The following GSE1 variants were observed in gnomAD, a reference collection of about 807,000 sequenced individuals.
GSE1 encodes the protein genetic suppressor element 1.
A neutral mutation model predicts 112.6 loss-of-function variants in GSE1; 32 were observed. The ratio of observed to expected loss-of-function variants is 0.28; its 90% CI spans 0.21 to 0.38. The LOEUF (loss-of-function observed/expected upper bound fraction) is 0.38. Ranked by LOEUF, GSE1 falls within the 10% of genes least tolerant of loss-of-function variation. The pLI is 1.00. For synonymous variants in GSE1, 1,115 were observed against 735.6 expected (o/e 1.52, Z -8.35); for missense variants, 2,348 against 1,699.2 (o/e 1.38, Z -6.71).
chr16:85,338,979 G>A (rs969470774), intron 1 of GSE1, among the ~76,000 whole-genome samples: 4 of 152,130 alleles, frequency 2.6e-5, no homozygotes, highest in African/African-American at 7.2e-5. Context: ...GAGCGTCGTC[G>A]GTTTCGGTGT....
rs777716900 is a variant in GSE1, at chr16:85,661,666, G to A, written c.2161G>A (p.Asp721Asn). Reference protein sequence around the residue: ...PYRPPVPRAPDPAYIYDEFLQ... With the variant: ...PYRPPVPRAPNPAYIYDEFLQ... ...CCGGCCCCCAGTGCCACGGGCCCCC[G>A]ACCCTGCCTACATCTATGATGAGTT... Residue 721 changes from aspartate (D) to asparagine (N), a missense_variant, in exon 9 of 16, where the codon GAC becomes AAC. Coordinates refer to ENST00000253458, the MANE Select transcript of GSE1 (RefSeq NM_014615.5). 5 of 1,610,860 alleles carry A rather than the reference G, an allele frequency of 3.1e-6. No individual in the cohort carries two copies. The South Asian group carries it at 4.4e-5, about 14-fold the overall frequency.
upstream of GSE1, among the ~76,000 whole-genome samples, chr16:85,554,694 G>T (rs1385193233): frequency 6.6e-6 from 1 of 152,000 alleles, no homozygotes; most frequent in Non-Finnish European, 1.5e-5. Flanking sequence ...AGGCGGCCCC[G>T]AGTCTCCGGG....
intron 1 of GSE1, among the ~76,000 whole-genome samples, chr16:85,602,461 G>A (rs992121995): frequency 3.3e-5 from 5 of 152,146 alleles, no homozygotes; most frequent in Admixed American, 6.5e-5. Flanking sequence ...GGCCGCCCTG[G>A]GGTTCTAGAA....
At chr16:85,616,932 C>T (rs1052905649) in intron 1 of GSE1, among the ~76,000 whole-genome samples, 1 of 152,114 alleles carries the variant, frequency 6.6e-6, no homozygotes, top group Non-Finnish European at 1.5e-5. Flanking sequence ...CAAAAGCAGC[C>T]CTTTGCATGC....
At chr16:85,289,027 G>T (rs1346116031) in intron 1 of GSE1, among the ~76,000 whole-genome samples, 1 of 152,204 alleles carries the variant, frequency 6.6e-6, no homozygotes, top group Non-Finnish European at 1.5e-5. Flanking sequence ...ACCTCCACCT[G>T]CCAGGTCTGT....
intron 1 of GSE1, among the ~76,000 whole-genome samples, chr16:85,604,269 TTGTC>T (rs1212923550): frequency 1.3e-5 from 2 of 152,234 alleles, no homozygotes; most frequent in African/African-American, 2.4e-5. Flanking sequence ...TCCCCCTTGT[TTGTC>T]TGGCTTCTTC....
intron 2 of GSE1, among the ~76,000 whole-genome samples, chr16:85,647,436 A>G (rs2050967322): frequency 6.6e-6 from 1 of 152,176 alleles, no homozygotes; most frequent in Admixed American, 6.5e-5. Flanking sequence ...GGTGAATTAT[A>G]TCTCATTTTC....
chr16:85,472,904 T>C (rs2050338996), intron 2 of GSE1, among the ~76,000 whole-genome samples: 1 of 152,236 alleles, frequency 6.6e-6, no homozygotes, highest in Non-Finnish European at 1.5e-5. Flanking sequence ...GACCCTGCCA[T>C]GCCATGGCTC....
intron 2 of GSE1, among the ~76,000 whole-genome samples, chr16:85,470,276 T>C (rs2050248457): frequency 1.3e-5 from 2 of 151,708 alleles, no homozygotes; most frequent in Admixed American, 1.3e-4. Context: ...CCAGCGGGGG[T>C]CTTCCCACTG....
intron 2 of GSE1, among the ~76,000 whole-genome samples, chr16:85,362,659 C>T (rs1401972361): frequency 1.3e-5 from 2 of 152,148 alleles, no homozygotes; most frequent in Non-Finnish European, 2.9e-5. Context: ...GCAGGTTGCA[C>T]ACTGCACAAC....
At chr16:85,646,321 G>C (rs771954956) in intron 2 of GSE1, among the ~76,000 whole-genome samples, 4 of 152,250 alleles carry the variant, frequency 2.6e-5, no homozygotes, top group Non-Finnish European at 4.4e-5. Flanking sequence ...GCAAACAGAA[G>C]GTGCCCAATT....
intron 1 of GSE1, among the ~76,000 whole-genome samples, chr16:85,261,967 G>A (rs1907738888): frequency 6.6e-6 from 1 of 152,128 alleles, no homozygotes; most frequent in African/African-American, 2.4e-5. Flanking sequence ...CTTATGTCGG[G>A]ATGTTTGTCT....
rs553410786 is a variant in GSE1, at chr16:85,585,476, CCT to C, written c.37+29116_37+29117del. 1.5e-4 allele frequency among the ~76,000 whole-genome samples: 23 copies of C among 149,604 alleles called. 1 individual carries two copies. The East Asian group carries it at 4.0e-3, about 26-fold the overall frequency. On this transcript the variant is annotated intron_variant, in intron 1 of 2. Transcript: ENST00000635906. ...AGTACGCCCAGGACAGCAGGACTCT[CCT>C]CTGTGTCGCCTACGTTTCTCCAAAC...
intron 1 of GSE1, among the ~76,000 whole-genome samples, chr16:85,578,524 G>C (rs970798366): frequency 6.6e-6 from 1 of 152,144 alleles, no homozygotes; most frequent in Non-Finnish European, 1.5e-5. Flanking sequence ...TGCAACAAGC[G>C]TGTGTTAGCT....
At chr16:85,663,743 C>A in intron 11 of GSE1, 129 bp downstream of exon 11, 1 of 873,382 alleles carries the variant, frequency 1.1e-6, no homozygotes, top group Non-Finnish European at 1.8e-6. Flanking sequence ...CCCTTTACTC[C>A]TCCCGGCTCC....
intron 1 of GSE1, chr16:85,283,026 A>G (rs923646799): frequency 6.6e-6 from 1 of 152,576 alleles, no homozygotes; most frequent in African/African-American, 2.4e-5. Flanking sequence ...ATCTGCTTCC[A>G]AGGCTCTGCT....
chr16:85,560,317 A>G (rs888319598), intron 1 of GSE1, among the ~76,000 whole-genome samples: 2 of 151,748 alleles, frequency 1.3e-5, no homozygotes, highest in Non-Finnish European at 1.5e-5. Context: ...TTGTATTTTT[A>G]GTAGAGACGG....
At chr16:85,400,059 T>A (rs1007514791) in intron 2 of GSE1, among the ~76,000 whole-genome samples, 4 of 152,198 alleles carry the variant, frequency 2.6e-5, no homozygotes, top group African/African-American at 7.2e-5. Flanking sequence ...GGACCTTGTG[T>A]CACGGCCACA....
At chr16:85,316,651 ACAGCAGACGTCCTCACTGGGGG>A (rs993166247) in intron 1 of GSE1, among the ~76,000 whole-genome samples, 10 of 152,186 alleles carry the variant, frequency 6.6e-5, no homozygotes, top group Non-Finnish European at 1.5e-4. Flanking sequence ...ACCTGCAAGG[ACAGCAGACGTCCTCACTGGGGG>A]CTGCACATCA....
Sources: gnomAD v4.1 joint callset for allele counts (sites outside exome capture counted in the v4.1 genomes callset) on GRCh38, gnomAD v4.1.1 for gene constraint, MANE v1.5 for transcripts, NCBI Gene and HGNC (gene_info 2026-07-23, HGNC 2026-07-21) for gene names.